The following PDPK1 variants were observed in gnomAD, a reference collection of about 807,000 sequenced individuals.
PDPK1 encodes 3-phosphoinositide dependent protein kinase 1, also known as 3-phosphoinositide-dependent protein kinase 1.
In PDPK1, 7 loss-of-function variants were observed where a neutral mutation model predicts 39.8. That is an observed-to-expected ratio of 0.18 (90% CI 0.10 to 0.33). The LOEUF (loss-of-function observed/expected upper bound fraction) is 0.33, where lower values mean the gene tolerates loss of function less well. Ranked by LOEUF, PDPK1 falls within the 10% of genes least tolerant of loss-of-function variation. The pLI, the probability that PDPK1 is intolerant of heterozygous loss-of-function variation, is 1.00. For synonymous variants in PDPK1, 118 were observed against 159.1 expected, an observed-to-expected ratio of 0.74 and a Z score of 1.95; for missense variants, 182 against 384.7, an observed-to-expected ratio of 0.47 and a Z score of 4.41.
chr16:2,598,052 G>A lies in PDPK1; in HGVS notation c.*285G>A. ...CGTTGCCGTGGGGACCCAGCTCCAT[G>A]CACGTCAACCCAGTCCCGCCCAGAC... is the stretch of plus-strand genomic sequence containing the variant. On this transcript the variant is annotated 3_prime_UTR_variant, in exon 14 of 14. Transcript: ENST00000342085. The A allele has an allele frequency of 2.0e-6, 1 of 490,902 alleles. No individual in the cohort carries two copies. Among genetic ancestry groups the A allele is most frequent in the South Asian group, 2.4e-5 (1 of 41,646 alleles). The allele number at this position is 490,902 out of a possible 1,614,324, so 30.4% of individuals were successfully genotyped here.
At chr16:2,595,878 G>C (rs770023184) in intron 12 of PDPK1, 28 bp downstream of exon 12, 1 of 1,576,228 alleles carries the variant, frequency 6.3e-7, no homozygotes, top group South Asian at 1.1e-5. Context: ...CCGCTGCTCC[G>C]CACGGACACC....
intron 12 of PDPK1, among the ~76,000 whole-genome samples, chr16:2,596,068 C>G (rs555362911): frequency 6.6e-6 from 1 of 152,238 alleles, no homozygotes; most frequent in African/African-American, 2.4e-5. Flanking sequence ...AGCAACCGCC[C>G]ACACTCCTGG....
In PDPK1 at chr16:2,600,102, G is replaced by T. The variant is rs1207613358; in HGVS notation, c.*2335G>T. 8.6e-6 allele frequency: 2 copies of T among 233,240 alleles called. No individual in the cohort carries two copies. Among genetic ancestry groups the T allele is most frequent in the East Asian group, 1.2e-4 (2 of 16,582 alleles). 14.4% of individuals were successfully genotyped at this position (233,240 alleles called of 1,614,324 possible). ...CCCGTGTGTTTTCTTTCCTTACCCTGTGCTTGCTCATGTCTACTCCGGTTT... is the reference window on the plus strand; with the variant it reads ...CCCGTGTGTTTTCTTTCCTTACCCTTTGCTTGCTCATGTCTACTCCGGTTT... On this transcript the variant is annotated 3_prime_UTR_variant, in exon 14 of 14. Coordinates refer to ENST00000342085, the MANE Select transcript of PDPK1 (RefSeq NM_002613.5).
intron 1 of PDPK1, among the ~76,000 whole-genome samples, chr16:2,547,266 T>A (rs1468008966): frequency 1.4e-5 from 2 of 145,704 alleles, no homozygotes; most frequent in Non-Finnish European, 2.9e-5. Flanking sequence ...AGCGCTAGGT[T>A]CGTCTGCGTT....
At chr16:2,542,607 G>C (rs1285191334) in intron 1 of PDPK1, among the ~76,000 whole-genome samples, 1 of 152,200 alleles carries the variant, frequency 6.6e-6, no homozygotes, top group African/African-American at 2.4e-5. Flanking sequence ...AAACAAGTGT[G>C]TGGTTTCCAT....
At position 2,601,063 on chromosome 16, in the gene PDPK1, A is replaced by G. The variant is rs1281738813; in HGVS notation, c.*3296A>G. ...TAAGACGGTTTCTGATTTTTCCACT[A>G]TTTAAATAATGCTGTGATGAATATC... On this transcript the variant is annotated 3_prime_UTR_variant, in exon 14 of 14. Transcript: ENST00000342085. 1 of 232,626 alleles carries G rather than the reference A, an allele frequency of 4.3e-6. No homozygotes were observed. Among genetic ancestry groups the G allele is most frequent in the African/African-American group, 2.2e-5 (1 of 45,028 alleles). 14.4% of individuals were successfully genotyped at this position (232,626 alleles called of 1,614,324 possible). A position where few individuals can be genotyped will look rare whatever the true frequency, so the allele number is the denominator to read the frequency against.
chr16:2,545,666 T>C (rs2066329413), intron 1 of PDPK1, among the ~76,000 whole-genome samples: 1 of 152,208 alleles, frequency 6.6e-6, no homozygotes, highest in South Asian at 2.1e-4. Flanking sequence ...GGCTAATTTT[T>C]ATATTTTCAG....
intron 11 of PDPK1, among the ~76,000 whole-genome samples, chr16:2,589,070 C>G (rs2066935368): frequency 6.6e-6 from 1 of 152,190 alleles, no homozygotes; most frequent in Non-Finnish European, 1.5e-5. Flanking sequence ...ATTCTCCTGT[C>G]TCAGCCTCCT....
At position 2,597,809 on chromosome 16, in the gene PDPK1, G is replaced by A; in HGVS notation, c.*42G>A. ...GCTGCCCTTCGCTGCCAGGACACCTGCCCCAGCGCGGCTTGGCCGCCATCC... is the reference window on the plus strand; with the variant it reads ...GCTGCCCTTCGCTGCCAGGACACCTACCCCAGCGCGGCTTGGCCGCCATCC... On this transcript the variant is annotated 3_prime_UTR_variant, in exon 14 of 14. Transcript: ENST00000342085. This position sits in a 1 kb window ranked among gnomAD's most constrained non-coding sequence, Gnocchi z 6.3. The A allele has an allele frequency of 7.2e-7, 1 of 1,389,524 alleles. No individual in the cohort carries two copies. The highest frequency in any genetic ancestry group is 1.0e-6 in the Non-Finnish European group (1 of 981,572). 86.1% of individuals were successfully genotyped at this position (1,389,524 alleles called of 1,614,324 possible).
At chr16:2,543,282 G>C (rs1346548158) in intron 1 of PDPK1, among the ~76,000 whole-genome samples, 1 of 10,846 alleles carries the variant, frequency 9.2e-5, no homozygotes, top group African/African-American at 4.7e-4. Context: ...CTGCATTGGC[G>C]GGACCCTCGG....
At chr16:2,586,302 A>G (rs1297523142) in intron 10 of PDPK1, among the ~76,000 whole-genome samples, 1 of 152,350 alleles carries the variant, frequency 6.6e-6, no homozygotes, top group East Asian at 1.9e-4. Context: ...TGGATCTGCC[A>G]CCAGGCCTCC....
intron 11 of PDPK1, among the ~76,000 whole-genome samples, chr16:2,588,996 G>A (rs1366499622): frequency 7.2e-5 from 11 of 152,072 alleles, no homozygotes; most frequent in African/African-American, 1.7e-4. Flanking sequence ...TTGCTCTGTC[G>A]CCCAGGCTGG....
Position 2,601,729 on chromosome 16 carries a change from GTT to G in PDPK1, c.*3963_*3964del, listed in dbSNP as rs2142020205. 5.3e-6 allele frequency: 1 copy of G among 188,514 alleles called. No homozygotes were observed. The highest frequency in any genetic ancestry group is 2.6e-5 in the African/African-American group (1 of 39,196). 11.7% of individuals were successfully genotyped at this position (188,514 alleles called of 1,614,324 possible). On this transcript the variant is annotated 3_prime_UTR_variant, in exon 14 of 14. Transcript: ENST00000342085. ...GGGGCCCCACCTTCAGGTCTTAGTG[GTT>G]CACAAGAGCCCAGCAGCCAGGCTGG...
rs557471998 is a variant in PDPK1 at position 2,602,316 on chromosome 16, A to G, written c.*4549A>G. 4.3e-6 allele frequency: 1 copy of G among 234,718 alleles called. No homozygotes were observed. Among genetic ancestry groups the G allele is most frequent in the South Asian group, 1.8e-4 (1 of 5,522 alleles). 14.5% of individuals were successfully genotyped at this position (234,718 alleles called of 1,614,324 possible). On this transcript the variant is annotated 3_prime_UTR_variant, in exon 14 of 14. Transcript: ENST00000342085. ...CTGGCCCAAAATTGCAGGGTTGTAG[A>G]TGAGGCTGCCTGTGGAGAACTGGTG...
At chr16:2,586,540 C>A in intron 10 of PDPK1, 136 bp from the exon 11 acceptor site, 1 of 683,694 alleles carries the variant, frequency 1.5e-6, no homozygotes. Flanking sequence ...AGAATCAGGG[C>A]TGCCCACCCT....
chr16:2,585,848 G>A (rs1332010252), intron 10 of PDPK1, among the ~76,000 whole-genome samples: 1 of 152,238 alleles, frequency 6.6e-6, no homozygotes, highest in Non-Finnish European at 1.5e-5. Flanking sequence ...GCCAGGGCCT[G>A]CGTCTGGAGG....
Position 2,598,028 on chromosome 16 carries a change from G to A in PDPK1, c.*261G>A, listed in dbSNP as rs1019429971. The A allele has an allele frequency of 2.9e-5, 15 of 513,302 alleles. No homozygotes were observed. Among genetic ancestry groups the A allele is most frequent in the South Asian group, 7.0e-5 (3 of 42,632 alleles). 31.8% of individuals were successfully genotyped at this position (513,302 alleles called of 1,614,324 possible). A position where few individuals can be genotyped will look rare whatever the true frequency, so the allele number is the denominator to read the frequency against. On this transcript the variant is annotated 3_prime_UTR_variant, in exon 14 of 14. Coordinates refer to ENST00000342085, the MANE Select transcript of PDPK1 (RefSeq NM_002613.5). The stretch of plus-strand genomic sequence containing the variant: ...TCCGTGGAGGCCTCCGTGTGCCCTC[G>A]TTGCCGTGGGGACCCAGCTCCATGC...
At chr16:2,551,594 C>T (rs923124033) in intron 1 of PDPK1, among the ~76,000 whole-genome samples, 1 of 151,444 alleles carries the variant, frequency 6.6e-6, no homozygotes, top group African/African-American at 2.4e-5. Flanking sequence ...GATCCTTTCT[C>T]TTGCTGGCTG....
Position 2,597,797 on chromosome 16 carries a change from G to A in PDPK1, c.*30G>A, listed in dbSNP as rs1200313798. The A allele has an allele frequency of 6.7e-7, 1 of 1,482,936 alleles. No homozygotes were observed. Among genetic ancestry groups the A allele is most frequent in the South Asian group, 1.1e-5 (1 of 87,824 alleles). 91.9% of individuals were successfully genotyped at this position (1,482,936 alleles called of 1,614,324 possible). Reference sequence around the variant, plus strand: ...GCCTGCGGCCGGGCTGCCCTTCGCTGCCAGGACACCTGCCCCAGCGCGGCT... The same window carrying A: ...GCCTGCGGCCGGGCTGCCCTTCGCTACCAGGACACCTGCCCCAGCGCGGCT... On this transcript the variant is annotated 3_prime_UTR_variant, in exon 14 of 14. Transcript: ENST00000342085. This position sits in a 1 kb window ranked among gnomAD's most constrained non-coding sequence, Gnocchi z 6.3.
Sources: allele counts gnomAD v4.1 joint callset (sites outside exome capture counted in the v4.1 genomes callset), GRCh38; gene constraint gnomAD v4.1.1; non-coding constraint Gnocchi (gnomAD v3.1); transcripts MANE v1.5; gene names NCBI Gene and HGNC (gene_info 2026-07-23, HGNC 2026-07-21).